HELZ: variants seen among roughly 807,000 people sequenced by gnomAD.
The protein encoded by HELZ is helicase with zinc finger.
HELZ carries 23 observed loss-of-function variants against 218.2 expected under a neutral mutation model. That is an observed-to-expected ratio of 0.11 (90% CI 0.08 to 0.15). The LOEUF (loss-of-function observed/expected upper bound fraction) is 0.15, where lower values mean the gene tolerates loss of function less well. Among genes scored for constraint, HELZ ranks in the 10% least tolerant of loss-of-function variants. The pLI, the probability that HELZ is intolerant of heterozygous loss-of-function variation, is 1.00. For synonymous variants in HELZ, 814 were observed against 829.4 expected (o/e 0.98, Z 0.32); for missense variants, 1,813 against 2,353.7 (o/e 0.77, Z 4.75).
At chr17:67,154,410 C>T (rs903409694) in intron 17 of HELZ, among the ~76,000 whole-genome samples, 3 of 152,056 alleles carry the variant, frequency 2.0e-5, no homozygotes, top group Admixed American at 1.3e-4. Context: ...GCCTGGGTTA[C>T]AGAGTGAGAC....
At chr17:67,217,151 A>G (rs549822139) in intron 4 of HELZ, among the ~76,000 whole-genome samples, 23 of 152,276 alleles carry the variant, frequency 1.5e-4, no homozygotes, top group African/African-American at 5.3e-4. Flanking sequence ...CAGTACGTCC[A>G]AAACTGAACT....
intron 31 of HELZ, among the ~76,000 whole-genome samples, chr17:67,099,625 T>TA (rs1194611718): frequency 6.6e-6 from 1 of 152,192 alleles, no homozygotes; most frequent in Non-Finnish European, 1.5e-5. Flanking sequence ...TTTTTACTGT[T>TA]AAAGATAGTT....
intron 17 of HELZ, among the ~76,000 whole-genome samples, chr17:67,156,585 A>G (rs960883928): frequency 4.6e-5 from 7 of 152,146 alleles, no homozygotes; most frequent in African/African-American, 1.7e-4. Context: ...ACTTGGCAGC[A>G]TGCAAAGTTC....
chr17:67,205,522 C>T (rs1034791725), intron 5 of HELZ, among the ~76,000 whole-genome samples: 1 of 152,128 alleles, frequency 6.6e-6, no homozygotes, highest in Non-Finnish European at 1.5e-5. Flanking sequence ...CTACATATTA[C>T]CTTCCCCTTC....
At chr17:67,245,247 G>T (rs1324321514), upstream of HELZ, 1 of 968,082 alleles carries the variant, frequency 1.0e-6, no homozygotes, top group South Asian at 4.8e-5. Context: ...CCCGGCCCCC[G>T]ACTCCCGCCT....
chr17:67,240,595 T>C (rs985735416), intron 2 of HELZ, among the ~76,000 whole-genome samples: 7 of 152,076 alleles, frequency 4.6e-5, no homozygotes, highest in African/African-American at 1.4e-4. Flanking sequence ...AAAAGGCAAA[T>C]TCAGATGTGA....
At position 67,077,207 on chromosome 17, in the gene HELZ, A is replaced by G. The variant is rs1214688083; in HGVS notation, c.*1045T>C. 1 of 152,610 alleles carries G rather than the reference A, an allele frequency of 6.6e-6. No individual in the cohort carries two copies. Among genetic ancestry groups the G allele is most frequent in the Non-Finnish European group, 1.5e-5 (1 of 68,030 alleles). The allele number at this position is 152,610 out of a possible 1,614,324, so 9.5% of individuals were successfully genotyped here. On this transcript the variant is annotated 3_prime_UTR_variant, in exon 33 of 33. Transcript: ENST00000358691. ...ATTTCTTCTTTAATGGTGTTCCTCA[A>G]ACAAGACAGCTAGCAAAATATTTGA...
intron 17 of HELZ, among the ~76,000 whole-genome samples, chr17:67,156,834 T>C (rs1598338329): frequency 6.6e-6 from 1 of 152,262 alleles, no homozygotes; most frequent in Admixed American, 6.5e-5. Context: ...TTCAAATTAC[T>C]CATTTATATA....
At chr17:67,214,589 CA>C (rs796673951) in intron 5 of HELZ, among the ~76,000 whole-genome samples, 3 of 150,222 alleles carry the variant, frequency 2.0e-5, no homozygotes, top group African/African-American at 7.3e-5. Flanking sequence ...AATGTTAACA[CA>C]AAGGAGTAAG....
At chr17:67,078,709 GGAC>G in intron 32 of HELZ, 123 bp from the exon 33 acceptor site, 3 of 549,326 alleles carry the variant, frequency 5.5e-6, no homozygotes, top group Non-Finnish European at 8.9e-6. Context: ...ATAGCCACAA[GGAC>G]AGACACCTTC....
chr17:67,207,127 G>C (rs1161964114), intron 5 of HELZ, among the ~76,000 whole-genome samples: 2 of 149,088 alleles, frequency 1.3e-5, no homozygotes, highest in African/African-American at 5.0e-5. Context: ...GGTCAGGTTG[G>C]TCTCGAACTC....
chr17:67,106,009 C>T (rs1257846125), intron 31 of HELZ, among the ~76,000 whole-genome samples: 1 of 152,092 alleles, frequency 6.6e-6, no homozygotes, highest in Non-Finnish European at 1.5e-5. Context: ...TTTCTAATGG[C>T]CTTTAGATAT....
At chr17:67,126,017 G>A (rs1256007351) in intron 24 of HELZ, among the ~76,000 whole-genome samples, 1 of 152,186 alleles carries the variant, frequency 6.6e-6, no homozygotes, top group African/African-American at 2.4e-5. Flanking sequence ...AAGAACATCA[G>A]TCCTATAACC....
chr17:67,136,268 G>T, intron 22 of HELZ, 70 bp from the exon 23 acceptor site: 1 of 1,050,530 alleles, frequency 9.5e-7, no homozygotes, highest in Non-Finnish European at 1.4e-6. Context: ...TAAAAGCATT[G>T]CATTTTTTAA....
At position 67,071,700 on chromosome 17, in the gene HELZ, T is replaced by C. The variant is rs1419594458; in HGVS notation, c.*6552A>G. The stretch of plus-strand genomic sequence containing the variant: ...CAGCAACAACACACAAATTAAACAA[T>C]ACCCAAAGACCTGACAGGTTTATTA... On this transcript the variant is annotated 3_prime_UTR_variant, in exon 33 of 33. Transcript: ENST00000358691. 2.0e-5 allele frequency: 3 copies of C among 152,054 alleles called. No homozygotes were observed. The highest frequency in any genetic ancestry group is 4.4e-5 in the Non-Finnish European group (3 of 68,022). 9.4% of individuals were successfully genotyped at this position (152,054 alleles called of 1,614,324 possible). A position where few individuals can be genotyped will look rare whatever the true frequency, so the allele number is the denominator to read the frequency against.
chr17:67,152,244 C>A (rs554098566), intron 17 of HELZ, among the ~76,000 whole-genome samples: 9 of 152,252 alleles, frequency 5.9e-5, no homozygotes, highest in African/African-American at 2.2e-4. Flanking sequence ...TTTCACTGAA[C>A]ATGAACCTGA....
Position 67,135,990 on chromosome 17 carries a change from C to T in HELZ, c.3162G>A (p.Leu1054=). 6.2e-7 allele frequency: 1 copy of T among 1,613,388 alleles called. No individual in the cohort carries two copies. Among genetic ancestry groups the T allele is most frequent in the Non-Finnish European group, 8.5e-7 (1 of 1,179,570 alleles). The change falls in exon 23 of 33, where the codon CTG becomes CTA. Residue 1054 remains leucine, a synonymous_variant. Coordinates refer to ENST00000358691, the MANE Select transcript of HELZ (RefSeq NM_014877.4). ...LVAVVGDPIA[L]CSIGRCRKFW... ...ATTACCTGCATCTTCCAATAGAGCA[C>T]AGAGCAATGGGATCACCCACCACAG...
intron 26 of HELZ, among the ~76,000 whole-genome samples, chr17:67,121,469 G>A (rs2143829838): frequency 6.6e-6 from 1 of 152,262 alleles, no homozygotes; most frequent in Admixed American, 6.5e-5. Flanking sequence ...CATGAATTAC[G>A]TATTTCTCAT....
At chr17:67,176,255 A>T (rs961714104) in intron 13 of HELZ, 16 of 152,376 alleles carry the variant, frequency 1.1e-4, no homozygotes, top group Non-Finnish European at 2.1e-4. Flanking sequence ...ATAAAAAATT[A>T]GAATGGCAAT....
Sources: allele counts gnomAD v4.1 joint callset (sites outside exome capture counted in the v4.1 genomes callset), GRCh38; gene constraint gnomAD v4.1.1; transcripts MANE v1.5; gene names NCBI Gene and HGNC (gene_info 2026-07-23, HGNC 2026-07-21).